TTC1: variants seen among roughly 807,000 people sequenced by gnomAD.
TTC1 encodes tetratricopeptide repeat protein 1.
In TTC1, 31 loss-of-function variants were observed where a neutral mutation model predicts 37.6. The ratio of observed to expected loss-of-function variants is 0.82; its 90% CI spans 0.62 to 1.11. TTC1 has a LOEUF of 1.11. TTC1 is among the 50% of genes most tolerant of loss of function. The probability of loss-of-function intolerance (pLI) is 0.00; values close to 1 mark genes in which losing one functional copy is unlikely to be tolerated. For missense variants in TTC1, 351 were observed against 339.0 expected, an observed-to-expected ratio of 1.04 and a Z score of -0.28; for synonymous variants, 127 against 122.4, an observed-to-expected ratio of 1.04 and a Z score of -0.25.
intron 2 of TTC1, among the ~76,000 whole-genome samples, chr5:160,033,150 A>G (rs939145307): frequency 2.0e-5 from 3 of 151,898 alleles, no homozygotes; most frequent in African/African-American, 7.3e-5. Context: ...GCATCCAGTA[A>G]CCCTAATCAA....
chr5:160,023,913 A>T (rs1211196698), intron 2 of TTC1: 2 of 1,592,798 alleles, frequency 1.3e-6, no homozygotes, highest in South Asian at 2.2e-5. Context: ...GGCTTCTCAA[A>T]CTCTGCTGAC....
intron 5 of TTC1, 41 bp downstream of exon 5, chr5:160,043,210 C>G (rs752676270): frequency 5.0e-6 from 8 of 1,608,846 alleles, no homozygotes; most frequent in Non-Finnish European, 6.8e-6. Flanking sequence ...CATACAGGAG[C>G]ATTATGTCAG....
At chr5:160,039,709 T>C (rs1757054561) in intron 4 of TTC1, among the ~76,000 whole-genome samples, 1 of 152,244 alleles carries the variant, frequency 6.6e-6, no homozygotes, top group African/African-American at 2.4e-5. Context: ...TTTATTTCTA[T>C]TTCAGAAACT....
intron 7 of TTC1, among the ~76,000 whole-genome samples, chr5:160,058,647 G>A (rs1026434789): frequency 5.3e-5 from 8 of 151,952 alleles, no homozygotes; most frequent in Non-Finnish European, 8.8e-5. Context: ...TCCTGACCTC[G>A]TGATCCACCC....
At chr5:160,024,136 T>C in intron 2 of TTC1, 1 of 623,096 alleles carries the variant, frequency 1.6e-6, no homozygotes, top group East Asian at 2.7e-5. Context: ...TGCCTACACA[T>C]TCTGTGCCAT....
chr5:160,049,351 A>G (rs1478388274), intron 5 of TTC1, among the ~76,000 whole-genome samples, 163 bp from the exon 6 acceptor site: 2 of 152,112 alleles, frequency 1.3e-5, no homozygotes, highest in Admixed American at 1.3e-4. Flanking sequence ...AATCTTTACT[A>G]TCTTGCTCTT....
chr5:160,034,766 C>T (rs1756973542), intron 2 of TTC1, among the ~76,000 whole-genome samples: 1 of 152,148 alleles, frequency 6.6e-6, no homozygotes, highest in Admixed American at 6.5e-5. Context: ...CTAGTAAGTA[C>T]TAGAAGCTAC....
rs1013473025 is a variant in TTC1 at position 160,010,930 on chromosome 5, T to G, written c.330+72T>G. On this transcript the variant is annotated intron_variant, in intron 2 of 7. Transcript: ENST00000231238. ...TTAAAATGTGGTCGATACTGTATCA[T>G]AGACCACCTCATCTGTGGTAAAGAA... 5 of 1,363,232 alleles carry G rather than the reference T, an allele frequency of 3.7e-6. No individual in the cohort carries two copies. The African/African-American group carries it at 7.2e-5, about 20-fold the overall frequency. The allele number at this position is 1,363,232 out of a possible 1,614,324, so 84.4% of individuals were successfully genotyped here. A position where few individuals can be genotyped will look rare whatever the true frequency, so the allele number is the denominator to read the frequency against.
chr5:160,042,368 C>T (rs73309359), intron 4 of TTC1, among the ~76,000 whole-genome samples: 1 of 152,164 alleles, frequency 6.6e-6, no homozygotes, highest in Non-Finnish European at 1.5e-5. Context: ...TTCTGTAATA[C>T]AAAAATTCCT....
intron 2 of TTC1, among the ~76,000 whole-genome samples, chr5:160,011,412 A>C (rs753039477): frequency 5.3e-5 from 8 of 152,152 alleles, no homozygotes; most frequent in Non-Finnish European, 8.8e-5. Flanking sequence ...TTAAAATGTT[A>C]CTTGTGTTTT....
Position 160,028,294 on chromosome 5 carries a change from G to A in TTC1, c.331-6846G>A, listed in dbSNP as rs1422436731. Among the ~76,000 whole-genome samples, 14 of 126,330 alleles carry A rather than the reference G, an allele frequency of 1.1e-4. 1 individual carries two copies. In the South Asian group the frequency reaches 3.1e-3, roughly 28 times the overall value. The allele number at this position is 126,330 out of a possible 152,430, so 82.9% of individuals were successfully genotyped here. On this transcript the variant is annotated intron_variant, in intron 2 of 7. Transcript: ENST00000231238. ...AGCATAGGCGACAGAGCAAGACTCC[G>A]TCTCAAAAAAAAAAAAAAAAAAAGT...
At chr5:160,031,518 G>A (rs1756908659) in intron 2 of TTC1, among the ~76,000 whole-genome samples, 1 of 151,964 alleles carries the variant, frequency 6.6e-6, no homozygotes, top group Admixed American at 6.6e-5. Context: ...GGAGGCTGAG[G>A]CACAAGAATC....
At chr5:160,048,884 G>A (rs763332981) in intron 5 of TTC1, among the ~76,000 whole-genome samples, 5 of 152,142 alleles carry the variant, frequency 3.3e-5, no homozygotes, top group Non-Finnish European at 7.4e-5. Flanking sequence ...CTGGGAGGAG[G>A]TGGTTGTAGT....
chr5:160,063,984 T>TTTTG (rs1482966350), intron 7 of TTC1, among the ~76,000 whole-genome samples: 1 of 149,650 alleles, frequency 6.7e-6, no homozygotes, highest in African/African-American at 2.5e-5. Context: ...TTTTTTTTTT[T>TTTTG]TTGAGACGGA....
intron 5 of TTC1, among the ~76,000 whole-genome samples, chr5:160,045,454 C>CCACA (rs57919333): frequency 0.015 from 594 of 38,840 alleles, 41 homozygotes; most frequent in Middle Eastern, 0.022. Context: ...CCCCCACCCT[C>CCACA]CACACACACA....
intron 2 of TTC1, among the ~76,000 whole-genome samples, chr5:160,028,496 T>C (rs1256448382): frequency 6.6e-6 from 1 of 152,078 alleles, no homozygotes; most frequent in Non-Finnish European, 1.5e-5. Flanking sequence ...TTTTTATTTT[T>C]ATTTTGAAGC....
In TTC1 at chr5:160,064,981, C is replaced by T. The variant is rs1753557036; in HGVS notation, c.795C>T (p.Ser265=). ...TGGTTCTCCGACCTTTTGGGCTCTC[C>T]ACGGAAAATTTCCAGATCAAACAGG... ...GNLVLRPFGL[S]TENFQIKQDS... Residue 265 remains serine, a synonymous_variant, in exon 8 of 8, where the codon TCC becomes TCT. Transcript: ENST00000231238. 6.2e-7 allele frequency: 1 copy of T among 1,613,836 alleles called. No individual in the cohort carries two copies. Among genetic ancestry groups the T allele is most frequent in the Non-Finnish European group, 8.5e-7 (1 of 1,179,998 alleles).
intron 2 of TTC1, among the ~76,000 whole-genome samples, chr5:160,031,132 G>GA (rs1408810553): frequency 6.6e-6 from 1 of 152,078 alleles, no homozygotes; most frequent in Non-Finnish European, 1.5e-5. Flanking sequence ...GGCACAGCTG[G>GA]GAAATAGTTC....
intron 5 of TTC1, among the ~76,000 whole-genome samples, chr5:160,043,659 G>A (rs1432820792): frequency 6.6e-6 from 1 of 152,198 alleles, no homozygotes; most frequent in Non-Finnish European, 1.5e-5. Flanking sequence ...ACCTCCTGTA[G>A]TCTCTGAATT....
Sources: allele counts gnomAD v4.1 joint callset (sites outside exome capture counted in the v4.1 genomes callset), GRCh38; gene constraint gnomAD v4.1.1; transcripts MANE v1.5; gene names NCBI Gene and HGNC (gene_info 2026-07-23, HGNC 2026-07-21).